ADGRL3: variants seen among roughly 807,000 people sequenced by gnomAD.
ADGRL3 encodes calcium-independent alpha-latrotoxin receptor 3.
ADGRL3 carries 62 observed loss-of-function variants against 153.5 expected under a neutral mutation model. The ratio of observed to expected loss-of-function variants is 0.40; its 90% CI spans 0.33 to 0.50. The LOEUF (loss-of-function observed/expected upper bound fraction) is 0.50, where lower values mean the gene tolerates loss of function less well. ADGRL3 is among the 20% of genes least tolerant of loss of function. ADGRL3 has a pLI of 0.47. For missense variants in ADGRL3, 1,641 were observed against 1,859.4 expected, an observed-to-expected ratio of 0.88 and a Z score of 2.16; for synonymous variants, 710 against 672.5, an observed-to-expected ratio of 1.06 and a Z score of -0.86.
At chr4:61,898,907 A>G (rs1195494368) in intron 11 of ADGRL3, among the ~76,000 whole-genome samples, 1 of 152,060 alleles carries the variant, frequency 6.6e-6, no homozygotes, top group Non-Finnish European at 1.5e-5. Flanking sequence ...GTGAGCCACC[A>G]TGCCCCACCA....
intron 1 of ADGRL3, among the ~76,000 whole-genome samples, chr4:61,229,178 T>G (rs540157048): frequency 6.6e-6 from 1 of 152,328 alleles, no homozygotes; most frequent in East Asian, 1.9e-4. Flanking sequence ...CAGTACGTTC[T>G]TAACTCTCAC....
At chr4:61,490,856 A>G (rs931226891) in intron 2 of ADGRL3, among the ~76,000 whole-genome samples, 1 of 152,158 alleles carries the variant, frequency 6.6e-6, no homozygotes, top group African/African-American at 2.4e-5. Context: ...CACTCTGTAA[A>G]TTGAGAAACA....
rs1279710481 is a variant in ADGRL3, at chr4:62,070,166, G to T, written c.3890G>T (p.Gly1297Val). Residue 1297 changes from glycine (G) to valine (V), a missense_variant, in exon 27 of 27, where the codon GGT becomes GTT. Coordinates refer to ENST00000683033, the MANE Select transcript of ADGRL3 (RefSeq NM_001387552.1). The part of the protein sequence containing the change: ...TSVMDTLPLN[G>V]NHGNSYSIAS... ...GTCATGGATACTCTACCACTGAATG[G>T]TAACCATGGCAATAGTTACAGCATT... 1 of 1,613,988 alleles carries T rather than the reference G, an allele frequency of 6.2e-7. No individual in the cohort carries two copies. The highest frequency in any genetic ancestry group is 1.7e-5 in the Admixed American group (1 of 60,016).
At chr4:61,931,023 C>T (rs1016628502) in intron 13 of ADGRL3, among the ~76,000 whole-genome samples, 2 of 151,960 alleles carry the variant, frequency 1.3e-5, no homozygotes, top group African/African-American at 4.8e-5. Context: ...TTTAATTAAC[C>T]TTCATTTAGC....
intron 1 of ADGRL3, among the ~76,000 whole-genome samples, chr4:61,221,579 T>A (rs774478581): frequency 6.6e-6 from 1 of 152,176 alleles, no homozygotes. Flanking sequence ...GTATCATATT[T>A]TATTTGTAAT....
At chr4:61,246,784 A>C (rs1426710143) in intron 1 of ADGRL3, among the ~76,000 whole-genome samples, 2 of 151,646 alleles carry the variant, frequency 1.3e-5, no homozygotes, top group Non-Finnish European at 2.9e-5. Context: ...ATTCTGAGCC[A>C]TCCCTCTTCC....
chr4:61,635,480 G>A (rs2093377006), intron 5 of ADGRL3, among the ~76,000 whole-genome samples: 1 of 152,110 alleles, frequency 6.6e-6, no homozygotes, highest in African/African-American at 2.4e-5. Flanking sequence ...CGTTGGGACA[G>A]GCAAAAGAGA....
chr4:61,785,708 T>G (rs2097268524), intron 8 of ADGRL3, among the ~76,000 whole-genome samples: 1 of 152,234 alleles, frequency 6.6e-6, no homozygotes, highest in Non-Finnish European at 1.5e-5. Context: ...GTGCTATTTC[T>G]AACATTATCA....
chr4:61,702,348 T>C (rs763118479), intron 6 of ADGRL3, among the ~76,000 whole-genome samples: 2 of 152,208 alleles, frequency 1.3e-5, no homozygotes, highest in Non-Finnish European at 2.9e-5. Flanking sequence ...AGAAGTCTTA[T>C]TCCCTGTGAA....
chr4:61,996,380 G>C, intron 20 of ADGRL3, 23 bp downstream of exon 20: 1 of 1,520,508 alleles, frequency 6.6e-7, no homozygotes, highest in African/African-American at 1.4e-5. Context: ...AATTAACTAT[G>C]TGTTTCCCAG....
intron 26 of ADGRL3, among the ~76,000 whole-genome samples, chr4:62,069,115 T>C (rs1318927649): frequency 6.6e-6 from 1 of 152,200 alleles, no homozygotes; most frequent in African/African-American, 2.4e-5. Flanking sequence ...GATTCTTGTT[T>C]TTCTGTTCAT....
intron 17 of ADGRL3, among the ~76,000 whole-genome samples, chr4:61,966,369 G>A (rs906184762): frequency 1.3e-5 from 2 of 152,162 alleles, no homozygotes; most frequent in Admixed American, 6.6e-5. Flanking sequence ...GTTCCTCTAT[G>A]ATTCAAAATT....
chr4:61,896,012 G>A (rs1176487886), intron 11 of ADGRL3, among the ~76,000 whole-genome samples, 178 bp downstream of exon 11: 1 of 152,028 alleles, frequency 6.6e-6, no homozygotes, highest in Non-Finnish European at 1.5e-5. Flanking sequence ...TTTTTAAAGT[G>A]CAAATCCATG....
chr4:61,442,898 G>A (rs1412110859), intron 2 of ADGRL3, among the ~76,000 whole-genome samples: 1 of 152,122 alleles, frequency 6.6e-6, no homozygotes, highest in African/African-American at 2.4e-5. Flanking sequence ...GCCAGAAAGA[G>A]AGAGTGAATG....
chr4:61,218,548 C>T (rs561095313), intron 1 of ADGRL3, among the ~76,000 whole-genome samples: 1 of 152,146 alleles, frequency 6.6e-6, no homozygotes, highest in East Asian at 1.9e-4. Context: ...GGGCTGGCTT[C>T]AAACTCCTGA....
chr4:61,757,964 G>T (rs899028455), intron 8 of ADGRL3, among the ~76,000 whole-genome samples: 5 of 152,202 alleles, frequency 3.3e-5, no homozygotes, highest in Admixed American at 3.3e-4. Flanking sequence ...GTTCTAGTTT[G>T]ATTGCACTGT....
chr4:61,562,495 A>G (rs2098799262), intron 4 of ADGRL3, among the ~76,000 whole-genome samples: 1 of 152,198 alleles, frequency 6.6e-6, no homozygotes, highest in South Asian at 2.1e-4. Context: ...TACCTTATCA[A>G]CTAAGTTTAT....
chr4:62,028,914 T>A (rs1319822294), intron 22 of ADGRL3, 33 bp downstream of exon 22: 1 of 1,588,504 alleles, frequency 6.3e-7, no homozygotes, highest in Non-Finnish European at 8.6e-7. Context: ...ATAAATTCCG[T>A]TTATCAGTGT....
chr4:62,014,760 T>C (rs1218803595), intron 21 of ADGRL3, among the ~76,000 whole-genome samples: 1 of 152,190 alleles, frequency 6.6e-6, no homozygotes. Context: ...TCATTGAAGT[T>C]ACCACAGATG....
Sources: gnomAD v4.1 joint callset for allele counts (sites outside exome capture counted in the v4.1 genomes callset) on GRCh38, gnomAD v4.1.1 for gene constraint, MANE v1.5 for transcripts, NCBI Gene and HGNC (gene_info 2026-07-23, HGNC 2026-07-21) for gene names.